NPC1: variants seen among roughly 807,000 people sequenced by gnomAD.
NPC1 encodes NPC intracellular cholesterol transporter 1.
NPC1 carries 85 observed loss-of-function variants against 140.4 expected under a neutral mutation model. That is an observed-to-expected ratio of 0.61 (90% CI 0.51 to 0.72). The LOEUF (loss-of-function observed/expected upper bound fraction) is 0.72, where lower values mean the gene tolerates loss of function less well. NPC1 is among the 30% of genes least tolerant of loss of function. The pLI, the probability that NPC1 is intolerant of heterozygous loss-of-function variation, is 0.00. For synonymous variants in NPC1, 656 were observed against 624.8 expected, an observed-to-expected ratio of 1.05 and a Z score of -0.74; for missense variants, 1,504 against 1,623.8, an observed-to-expected ratio of 0.93 and a Z score of 1.27.
chr18:23,556,281 G>A lies in NPC1; in HGVS notation c.1288C>T (p.Pro430Ser). Residue 430 changes from proline (P) to serine (S), a missense_variant, in exon 8 of 25, where the codon CCC becomes TCC. By Grantham distance (74) the Pro-to-Ser change is moderately conservative (BLOSUM62 -1). Coordinates refer to ENST00000269228, the MANE Select transcript of NPC1 (RefSeq NM_000271.5). Reference protein sequence around the residue: ...YQPYPSGADVPFGPPLDIQIL... With the variant: ...YQPYPSGADVSFGPPLDIQIL... ...TGTATGTCAAGCGGAGGTCCAAAGG[G>A]TACATCAGCTCCCGAAGGGTATGGC... is the stretch of plus-strand genomic sequence containing the variant. 6.2e-7 allele frequency: 1 copy of A among 1,614,138 alleles called. No individual in the cohort carries two copies. Among genetic ancestry groups the A allele is most frequent in the Non-Finnish European group, 8.5e-7 (1 of 1,180,022 alleles).
intron 14 of NPC1, 37 bp downstream of exon 14, chr18:23,543,418 C>G: frequency 8.6e-7 from 1 of 1,162,400 alleles, no homozygotes; most frequent in Non-Finnish European, 1.3e-6. Flanking sequence ...CCAGGCTCAG[C>G]AGACTACAGG....
Position 23,535,654 on chromosome 18 carries a change from T to C in NPC1, c.3292A>G (p.Thr1098Ala), listed in dbSNP as rs770186799. The C allele has an allele frequency of 6.2e-7, 1 of 1,614,076 alleles. No individual in the cohort carries two copies. Among genetic ancestry groups the C allele is most frequent in the Admixed American group, 1.7e-5 (1 of 60,010 alleles). ...YEQYLTIIDD[T>A]IFNLGVSLGA... ...AGGGACACACCGAGGTTGAAGATAG[T>C]GTCGTCAATGATGGTCAGGTACTGT... is the stretch of plus-strand genomic sequence containing the variant. The change falls in exon 22 of 25, where the codon ACT becomes GCT. Residue 1098 changes from threonine (T) to alanine (A), a missense_variant. Coordinates refer to ENST00000269228, the MANE Select transcript of NPC1 (RefSeq NM_000271.5).
downstream of NPC1, chr18:23,526,593 C>T (rs149516338): frequency 1.0e-4 from 160 of 1,593,996 alleles, 1 homozygote; most frequent in East Asian, 2.7e-3. Flanking sequence ...GCTTTTGTTA[C>T]GGTTTGCATC....
chr18:23,531,885 G>T lies in NPC1; in HGVS notation c.*317C>A. On this transcript the variant is annotated 3_prime_UTR_variant, in exon 25 of 25. Transcript: ENST00000269228. ...GGAGAGACAGACAGTGCATTGATTG[G>T]CCTTTACAGAGTGTCAGTGAGCGGA... 1.4e-6 allele frequency: 2 copies of T among 1,443,652 alleles called. No homozygotes were observed. The highest frequency in any genetic ancestry group is 1.5e-5 in the South Asian group (1 of 67,250). The allele number at this position is 1,443,652 out of a possible 1,614,324, so 89.4% of individuals were successfully genotyped here.
intron 1 of NPC1, among the ~76,000 whole-genome samples, chr18:23,584,183 TCCC>T (rs971537451): frequency 2.0e-5 from 3 of 151,926 alleles, no homozygotes; most frequent in African/African-American, 7.3e-5. Flanking sequence ...AAAGCAAAAA[TCCC>T]CCCAACATGT....
chr18:23,568,693 A>G, intron 4 of NPC1, 130 bp downstream of exon 4: 1 of 747,170 alleles, frequency 1.3e-6, no homozygotes. Context: ...GCAAAGCAAC[A>G]ACTCTTATTT....
At chr18:23,542,877 C>T (rs1263808688) in intron 14 of NPC1, among the ~76,000 whole-genome samples, 3 of 152,164 alleles carry the variant, frequency 2.0e-5, no homozygotes, top group Admixed American at 6.5e-5. Flanking sequence ...AGTGGCAAGA[C>T]GAACTCTAGG....
At chr18:23,529,211 G>A (rs377649529), downstream of NPC1, 93 of 1,613,806 alleles carry the variant, frequency 5.8e-5, no homozygotes, top group East Asian at 8.0e-4. Flanking sequence ...GAAGCAGCCC[G>A]CTCCTCAAGA....
chr18:23,570,057 T>C (rs898323859), intron 3 of NPC1, among the ~76,000 whole-genome samples: 3 of 152,202 alleles, frequency 2.0e-5, no homozygotes, highest in African/African-American at 7.2e-5. Flanking sequence ...TCTGTTCTAG[T>C]GAAGGAGACA....
intron 21 of NPC1, among the ~76,000 whole-genome samples, chr18:23,536,211 TAC>T (rs201292143): frequency 0.011 from 1,666 of 152,316 alleles, 26 homozygotes; most frequent in African/African-American, 0.038. Flanking sequence ...CCTACCTTTC[TAC>T]AGTTTCTAAA....
At chr18:23,526,985 G>C (rs759717233), downstream of NPC1, among the ~76,000 whole-genome samples, 159 of 152,274 alleles carry the variant, frequency 1.0e-3, 2 homozygotes, top group Middle Eastern at 3.4e-3. Flanking sequence ...GGATGGTTCT[G>C]AATGAAAGTG....
intron 11 of NPC1, among the ~76,000 whole-genome samples, chr18:23,545,661 A>G (rs1389225007): frequency 6.6e-6 from 1 of 152,204 alleles, no homozygotes; most frequent in Non-Finnish European, 1.5e-5. Flanking sequence ...GCACTATTAC[A>G]GCTCACTGCA....
At chr18:23,570,040 A>G (rs1003199753) in intron 3 of NPC1, among the ~76,000 whole-genome samples, 2 of 152,226 alleles carry the variant, frequency 1.3e-5, no homozygotes, top group Non-Finnish European at 2.9e-5. Flanking sequence ...CCTGGCCTTC[A>G]AGAGTCTCTG....
chr18:23,507,923 C>A (rs1013003532), intron 3 of NPC1: 1 of 1,488,460 alleles, frequency 6.7e-7, no homozygotes, highest in Non-Finnish European at 9.2e-7. Flanking sequence ...AGTATGCCAA[C>A]GTAGGTTGGC....
chr18:23,564,467 A>C (rs949293920), intron 4 of NPC1, among the ~76,000 whole-genome samples: 5 of 151,940 alleles, frequency 3.3e-5, no homozygotes, highest in Non-Finnish European at 5.9e-5. Context: ...GGCTGGGACC[A>C]CAGGTACATG....
chr18:23,569,858 G>C (rs2059176858), intron 3 of NPC1, among the ~76,000 whole-genome samples: 1 of 152,194 alleles, frequency 6.6e-6, no homozygotes, highest in South Asian at 2.1e-4. Context: ...CAGGTTCAAA[G>C]TTTAAGCTCC....
chr18:23,547,575 TACAA>T (rs1238216545), intron 11 of NPC1, among the ~76,000 whole-genome samples: 2 of 152,130 alleles, frequency 1.3e-5, no homozygotes, highest in Middle Eastern at 6.8e-3. Context: ...ACCCTGTTTC[TACAA>T]ACAAATACAA....
At chr18:23,547,423 T>C (rs1209472143) in intron 11 of NPC1, among the ~76,000 whole-genome samples, 2 of 152,214 alleles carry the variant, frequency 1.3e-5, no homozygotes, top group Non-Finnish European at 2.9e-5. Context: ...ACATTCAGCA[T>C]GCTCCCAAGT....
chr18:23,512,189 T>A (rs1358116920), intron 3 of NPC1, among the ~76,000 whole-genome samples: 2 of 151,748 alleles, frequency 1.3e-5, no homozygotes, highest in Non-Finnish European at 2.9e-5. Flanking sequence ...CCTGGCTAAT[T>A]TTTGTATTTT....
Sources: gnomAD v4.1 joint callset for allele counts (sites outside exome capture counted in the v4.1 genomes callset) on GRCh38, gnomAD v4.1.1 for gene constraint, MANE v1.5 for transcripts, NCBI Gene and HGNC (gene_info 2026-07-23, HGNC 2026-07-21) for gene names.